FAXC: variants seen among roughly 807,000 people sequenced by gnomAD.
FAXC encodes the protein failed axon connections homolog.
A neutral mutation model predicts 41.9 loss-of-function variants in FAXC; 10 were observed. That is an observed-to-expected ratio of 0.24 (90% CI 0.15 to 0.41). The LOEUF (loss-of-function observed/expected upper bound fraction) is 0.41, where lower values mean the gene tolerates loss of function less well. FAXC is among the 10% of genes least tolerant of loss of function. FAXC has a pLI of 1.00. For synonymous variants in FAXC, 183 were observed against 183.8 expected, an observed-to-expected ratio of 1.00 and a Z score of 0.03; for missense variants, 399 against 510.9, an observed-to-expected ratio of 0.78 and a Z score of 2.11.
rs916719998 is a variant in FAXC, at chr6:99,273,577, A to T, written c.*7587T>A. The T allele has an allele frequency of 2.0e-5, 3 of 150,466 alleles. No individual in the cohort carries two copies. The highest frequency in any genetic ancestry group is 7.4e-5 in the African/African-American group (3 of 40,742). 9.3% of individuals were successfully genotyped at this position (150,466 alleles called of 1,614,324 possible). A position where few individuals can be genotyped will look rare whatever the true frequency, so the allele number is the denominator to read the frequency against. ...AAGCAGAATTAAAAACATCAGTCTT[A>T]AAGGTGACATCAAATTGTTCATCCT... is the stretch of plus-strand genomic sequence containing the variant. On this transcript the variant is annotated 3_prime_UTR_variant, in exon 6 of 6. Transcript: ENST00000389677.
intron 3 of FAXC, among the ~76,000 whole-genome samples, chr6:99,326,424 G>A (rs1483482969): frequency 6.6e-6 from 1 of 152,204 alleles, no homozygotes; most frequent in East Asian, 1.9e-4. Flanking sequence ...GATAGTTTGA[G>A]TGGATGGTAA....
intron 1 of FAXC, 115 bp downstream of exon 1, chr6:99,348,992 C>T: frequency 9.9e-7 from 1 of 1,008,666 alleles, no homozygotes; most frequent in Non-Finnish European, 1.5e-6. Context: ...TTGCAGGGCG[C>T]TTGGGCATCT....
At chr6:99,339,446 T>A (rs770019112) in intron 2 of FAXC, among the ~76,000 whole-genome samples, 1 of 152,190 alleles carries the variant, frequency 6.6e-6, no homozygotes, top group Non-Finnish European at 1.5e-5. Flanking sequence ...GAAGTTGGCA[T>A]CCCTGGTAAA....
intron 4 of FAXC, among the ~76,000 whole-genome samples, chr6:99,315,025 G>A (rs2006308): frequency 6.6e-6 from 1 of 151,778 alleles, no homozygotes; most frequent in African/African-American, 2.4e-5. Context: ...CCTGAGGTCA[G>A]GAGTTCAAGA....
chr6:99,291,689 G>C lies in FAXC; in HGVS notation c.940+15C>G. 1 of 1,592,902 alleles carries C rather than the reference G, an allele frequency of 6.3e-7. No individual in the cohort carries two copies. The highest frequency in any genetic ancestry group is 8.6e-7 in the Non-Finnish European group (1 of 1,161,194). Reference sequence around the variant, plus strand: ...CCAGTAAGCCCCAAAACCTGAAGAAGAGTGTAGGGCTTGCCTTTGATCAGC... The same window carrying C: ...CCAGTAAGCCCCAAAACCTGAAGAACAGTGTAGGGCTTGCCTTTGATCAGC... On this transcript the variant is annotated intron_variant, in intron 5 of 5. Coordinates refer to ENST00000389677, the MANE Select transcript of FAXC (RefSeq NM_032511.4).
Position 99,280,804 on chromosome 6 carries a change from C to CAGA in FAXC, c.*359_*360insTCT, listed in dbSNP as rs1770800256. The CAGA allele has an allele frequency of 5.4e-6, 1 of 184,108 alleles. No individual in the cohort carries two copies. The highest frequency in any genetic ancestry group is 1.1e-5 in the Non-Finnish European group (1 of 87,188). The allele number at this position is 184,108 out of a possible 1,614,324, so 11.4% of individuals were successfully genotyped here. A position where few individuals can be genotyped will look rare whatever the true frequency, so the allele number is the denominator to read the frequency against. On this transcript the variant is annotated 3_prime_UTR_variant, in exon 6 of 6. Coordinates refer to ENST00000389677, the MANE Select transcript of FAXC (RefSeq NM_032511.4). Reference sequence around the variant, plus strand: ...TGGTGGAGGAAGGAGGTTCAAGAATCCATCTCACAATTAAGACCTCAGGGT... The same window carrying CAGA: ...TGGTGGAGGAAGGAGGTTCAAGAATCAGACATCTCACAATTAAGACCTCAGGGT...
intron 3 of FAXC, among the ~76,000 whole-genome samples, chr6:99,329,328 A>G (rs143744744): frequency 1.3e-5 from 2 of 152,352 alleles, no homozygotes; most frequent in Non-Finnish European, 2.9e-5. Flanking sequence ...GAACAAGAAA[A>G]TGGTCAAAGA....
At chr6:99,347,377 G>T (rs1451617103) in intron 1 of FAXC, among the ~76,000 whole-genome samples, 3 of 148,080 alleles carry the variant, frequency 2.0e-5, no homozygotes, top group African/African-American at 7.6e-5. Context: ...ACTCCAACAT[G>T]GGCGACAAAG....
intron 5 of FAXC, among the ~76,000 whole-genome samples, chr6:99,282,792 G>T (rs926381841): frequency 6.6e-6 from 1 of 152,026 alleles, no homozygotes; most frequent in African/African-American, 2.4e-5. Context: ...TTTTAGTGCA[G>T]AAAATTAGAA....
In FAXC at chr6:99,271,690, T is replaced by C. The variant is rs890011442; in HGVS notation, c.*9474A>G. 28 of 152,208 alleles carry C rather than the reference T, an allele frequency of 1.8e-4. No individual in the cohort carries two copies. The highest frequency in any genetic ancestry group is 6.3e-4 in the African/African-American group (26 of 41,446). 9.4% of individuals were successfully genotyped at this position (152,208 alleles called of 1,614,324 possible). On this transcript the variant is annotated 3_prime_UTR_variant, in exon 6 of 6. Transcript: ENST00000389677. ...CTTCAGATAAGAGATACTCAATCAG[T>C]ATTATCACTGAAATGGGAAATTAGG... is the stretch of plus-strand genomic sequence containing the variant.
chr6:99,343,995 A>G (rs1228080901), intron 1 of FAXC, among the ~76,000 whole-genome samples: 2 of 152,068 alleles, frequency 1.3e-5, no homozygotes, highest in Admixed American at 1.3e-4. Flanking sequence ...ACAGCTTTTC[A>G]ATAACCACTA....
intron 2 of FAXC, among the ~76,000 whole-genome samples, chr6:99,341,768 C>A (rs1345361105): frequency 2.0e-5 from 3 of 152,210 alleles, no homozygotes; most frequent in African/African-American, 7.2e-5. Flanking sequence ...AGAGAGCTCT[C>A]TATATCCAAA....
intron 4 of FAXC, among the ~76,000 whole-genome samples, chr6:99,303,683 T>A (rs1360283912): frequency 1.3e-5 from 2 of 152,216 alleles, no homozygotes; most frequent in African/African-American, 4.8e-5. Flanking sequence ...GGGAGAGCTA[T>A]ACCTCTGGAG....
rs1770750248 is a variant in FAXC at position 99,279,538 on chromosome 6, T to C, written c.*1626A>G. On this transcript the variant is annotated 3_prime_UTR_variant, in exon 6 of 6. Coordinates refer to ENST00000389677, the MANE Select transcript of FAXC (RefSeq NM_032511.4). ...TTTAAGAAGTGCCTCTTTAACCCCA[T>C]AATGAGCAATCCTTATGTTGGTCAG... is the stretch of plus-strand genomic sequence containing the variant. 1 of 151,924 alleles carries C rather than the reference T, an allele frequency of 6.6e-6. No individual in the cohort carries two copies. Among genetic ancestry groups the C allele is most frequent in the South Asian group, 2.1e-4 (1 of 4,804 alleles). 9.4% of individuals were successfully genotyped at this position (151,924 alleles called of 1,614,324 possible). A position where few individuals can be genotyped will look rare whatever the true frequency, so the allele number is the denominator to read the frequency against.
rs221540 is a variant in FAXC, at chr6:99,280,812, C to A, written c.*352G>T. 5.3e-3 allele frequency: 1,002 copies of A among 190,030 alleles called. 8 individuals carry two copies. Among genetic ancestry groups the A allele is most frequent in the African/African-American group, 0.023 (974 of 42,574 alleles). 11.8% of individuals were successfully genotyped at this position (190,030 alleles called of 1,614,324 possible). On this transcript the variant is annotated 3_prime_UTR_variant, in exon 6 of 6. Transcript: ENST00000389677. ...GAAGGAGGTTCAAGAATCCATCTCACAATTAAGACCTCAGGGTTGAAGAGG... is the reference window on the plus strand; with the variant it reads ...GAAGGAGGTTCAAGAATCCATCTCAAAATTAAGACCTCAGGGTTGAAGAGG...
intron 4 of FAXC, among the ~76,000 whole-genome samples, chr6:99,317,755 C>T (rs775323380): frequency 2.0e-5 from 3 of 152,196 alleles, no homozygotes; most frequent in African/African-American, 4.8e-5. Context: ...CTGGGGATCT[C>T]TGTGTTAACA....
At chr6:99,339,330 T>G (rs372284608) in intron 2 of FAXC, among the ~76,000 whole-genome samples, 1 of 152,210 alleles carries the variant, frequency 6.6e-6, no homozygotes, top group African/African-American at 2.4e-5. Flanking sequence ...CCAGAGTAGT[T>G]TGGGGATGCC....
chr6:99,308,915 T>A (rs1772045172), intron 4 of FAXC, among the ~76,000 whole-genome samples: 1 of 152,234 alleles, frequency 6.6e-6, no homozygotes, highest in Non-Finnish European at 1.5e-5. Flanking sequence ...TTGAATCATT[T>A]AAATAAATAG....
chr6:99,294,574 T>TTG (rs1197250796), intron 4 of FAXC, among the ~76,000 whole-genome samples: 4 of 152,002 alleles, frequency 2.6e-5, no homozygotes, highest in Non-Finnish European at 4.4e-5. Context: ...AGGATTTTTG[T>TTG]TGTGTGTGTG....
Sources: allele counts gnomAD v4.1 joint callset (sites outside exome capture counted in the v4.1 genomes callset), GRCh38; gene constraint gnomAD v4.1.1; transcripts MANE v1.5; gene names NCBI Gene and HGNC (gene_info 2026-07-23, HGNC 2026-07-21).